The following SPNS1 variants were observed in gnomAD, a reference collection of about 807,000 sequenced individuals.
SPNS1 encodes the protein SPNS lysolipid transporter 1, lysophospholipid, also known as protein spinster homolog 1.
Under a neutral mutation model 50.3 loss-of-function variants are expected in SPNS1, and 22 were observed. The observed-to-expected ratio is 0.44, with a 90% CI of 0.31 to 0.62. The LOEUF is 0.62. Among genes scored for constraint, SPNS1 ranks in the 20% least tolerant of loss-of-function variants. The pLI, the probability that SPNS1 is intolerant of heterozygous loss-of-function variation, is 0.07. For synonymous variants in SPNS1, 295 were observed against 317.4 expected (o/e 0.93, Z 0.75); for missense variants, 576 against 728.6 (o/e 0.79, Z 2.41).
Position 28,981,412 on chromosome 16 carries a change from A to T in SPNS1, c.664-58A>T. 7 of 1,605,836 alleles carry T rather than the reference A, an allele frequency of 4.4e-6. No individual in the cohort carries two copies. The highest frequency in any genetic ancestry group is 6.0e-6 in the Non-Finnish European group (7 of 1,174,442). On this transcript the variant is annotated intron_variant, in intron 5 of 11. Coordinates refer to ENST00000311008, the MANE Select transcript of SPNS1 (RefSeq NM_032038.3). This position sits in a 1 kb window ranked among gnomAD's most constrained non-coding sequence, Gnocchi z 4.2. The stretch of plus-strand genomic sequence containing the variant: ...TTATCTGTACCCCACACTCTCCTCC[A>T]GCCCAGGGCTTGAGTGTGTCTCTCC...
rs1965625386 is a variant in SPNS1 at position 28,983,368 on chromosome 16, A to G, written c.1320+78A>G. Reference sequence around the variant, plus strand: ...TGGATCAGAAGGCCTGGCCCTAGTGAAGTGTCTGTGTCCTGCGTGCTGGGC... The same window carrying G: ...TGGATCAGAAGGCCTGGCCCTAGTGGAGTGTCTGTGTCCTGCGTGCTGGGC... On this transcript the variant is annotated intron_variant, in intron 10 of 11. Transcript: ENST00000311008. This position sits in a 1 kb window ranked among gnomAD's most constrained non-coding sequence, Gnocchi z 5.4. The G allele has an allele frequency of 2.6e-6, 3 of 1,170,364 alleles. No homozygotes were observed. In the East Asian group the frequency reaches 7.1e-5, roughly 28 times the overall value. 72.5% of individuals were successfully genotyped at this position (1,170,364 alleles called of 1,614,324 possible).
At chr16:28,984,592 C>G (rs1596764385), downstream of SPNS1, 1 of 612,208 alleles carries the variant, frequency 1.6e-6, no homozygotes, top group Non-Finnish European at 2.9e-6. Context: ...TGATCTTGCA[C>G]CCCGTCTTCA....
At chr16:28,980,979 C>T (rs925009241) in intron 5 of SPNS1, among the ~76,000 whole-genome samples, 6 of 152,230 alleles carry the variant, frequency 3.9e-5, no homozygotes, top group African/African-American at 1.2e-4. Flanking sequence ...CCACACTGCC[C>T]TTCTCTTCTG....
Position 28,979,433 on chromosome 16 carries a change from G to A in SPNS1, c.625G>A (p.Val209Met). Residue 209 changes from valine to methionine, a missense_variant, in exon 5 of 12, where the codon GTG becomes ATG. This residue lies in a region of SPNS1 where 428 missense variants were observed against 520.1 expected (regional missense o/e 0.82). Transcript: ENST00000311008. ...SGLGYIAGSK[V>M]KDMAGDWHWA... ...TCTGGGCTACATTGCAGGCTCCAAA[G>A]TGAAGGATATGGCTGGAGACTGGCA... 1 of 1,614,182 alleles carries A rather than the reference G, an allele frequency of 6.2e-7. No individual in the cohort carries two copies. The highest frequency in any genetic ancestry group is 8.5e-7 in the Non-Finnish European group (1 of 1,180,030).
rs1965534569 is a variant in SPNS1 at position 28,981,112 on chromosome 16, C to T, written c.664-358C>T. 6.6e-6 allele frequency among the ~76,000 whole-genome samples: 1 copy of T among 152,218 alleles called. No homozygotes were observed. The highest frequency in any genetic ancestry group is 1.5e-5 in the Non-Finnish European group (1 of 68,040). On this transcript the variant is annotated intron_variant, in intron 5 of 11. Transcript: ENST00000311008. The surrounding 1 kb of genome is among the most constrained non-coding windows in gnomAD (Gnocchi z 4.2). ...GCCGTGTTTCCAGGATAGCGTCTGA[C>T]TAGATGAACATGCATCACGTGCCCT...
At chr16:28,978,907 A>G (rs1234680827) in intron 3 of SPNS1, 1 of 556,436 alleles carries the variant, frequency 1.8e-6, no homozygotes, top group Non-Finnish European at 3.2e-6. Flanking sequence ...AGTCCTTGCA[A>G]TAGCTCTGTG....
At chr16:28,975,921 A>ATT (rs1965325503) in intron 2 of SPNS1, among the ~76,000 whole-genome samples, 1 of 152,164 alleles carries the variant, frequency 6.6e-6, no homozygotes, top group Non-Finnish European at 1.5e-5. Context: ...GATTAACTAA[A>ATT]AGATTGTCTG....
At chr16:28,977,219 G>A (rs1596743809) in intron 2 of SPNS1, among the ~76,000 whole-genome samples, 1 of 151,386 alleles carries the variant, frequency 6.6e-6, no homozygotes, top group Non-Finnish European at 1.5e-5. Flanking sequence ...TTGGGAGGCT[G>A]AGGCAGAATT....
Position 28,982,063 on chromosome 16 carries a change from A to G in SPNS1, c.965+7A>G. 6.2e-7 allele frequency: 1 copy of G among 1,613,648 alleles called. No homozygotes were observed. Among genetic ancestry groups the G allele is most frequent in the Non-Finnish European group, 8.5e-7 (1 of 1,179,834 alleles). The stretch of plus-strand genomic sequence containing the variant: ...CCTGCTCTTCCTCTGACAGGTGCCC[A>G]GATGGGGCTATGCTGGGGGGCCTGC... On this transcript the variant is annotated splice_region_variant and intron_variant, in intron 7 of 11. Transcript: ENST00000311008.
chr16:28,983,345 G>T lies in SPNS1; in HGVS notation c.1320+55G>T, dbSNP rs1293404717. On this transcript the variant is annotated intron_variant, in intron 10 of 11. Transcript: ENST00000311008. The surrounding 1 kb of genome is among the most constrained non-coding windows in gnomAD (Gnocchi z 5.4). ...TGGCTGGTGTCCTGAGCCTGGGCTGGATCAGAAGGCCTGGCCCTAGTGAAG... is the reference window on the plus strand; with the variant it reads ...TGGCTGGTGTCCTGAGCCTGGGCTGTATCAGAAGGCCTGGCCCTAGTGAAG... 1 of 1,416,172 alleles carries T rather than the reference G, an allele frequency of 7.1e-7. No individual in the cohort carries two copies. Among genetic ancestry groups the T allele is most frequent in the Non-Finnish European group, 1.0e-6 (1 of 1,000,264 alleles). 87.7% of individuals were successfully genotyped at this position (1,416,172 alleles called of 1,614,324 possible).
chr16:28,982,435 C>G lies in SPNS1; in HGVS notation c.1045C>G (p.His349Asp). 1 of 1,613,708 alleles carries G rather than the reference C, an allele frequency of 6.2e-7. No individual in the cohort carries two copies. The highest frequency in any genetic ancestry group is 8.5e-7 in the Non-Finnish European group (1 of 1,179,742). The change falls in exon 8 of 12, where the codon CAC becomes GAC. Residue 349 changes from histidine (H) to aspartate (D), a missense_variant. His to Asp is a moderately conservative substitution (Grantham distance 81, BLOSUM62 -1). Transcript: ENST00000311008. The part of the protein sequence containing the change: ...LGVEISRRLR[H>D]SNPRADPLVC... ...TGTGGAGATCAGCCGCCGGCTCCGC[C>G]ACTCCAACCCCCGGGCTGATCCCCT... is the stretch of plus-strand genomic sequence containing the variant.
intron 5 of SPNS1, chr16:28,980,151 C>T (rs1204903744): frequency 6.6e-6 from 1 of 151,800 alleles, no homozygotes; most frequent in Non-Finnish European, 1.5e-5. Context: ...CATGGTGAAA[C>T]CCTGTCTCTA....
rs879222877 is a variant in SPNS1, at chr16:28,975,021, GGCAAGCT to G, written c.-130_-124del. On this transcript the variant is annotated 5_prime_UTR_variant, in exon 1 of 12. Coordinates refer to ENST00000311008, the MANE Select transcript of SPNS1 (RefSeq NM_032038.3). The stretch of plus-strand genomic sequence containing the variant: ...TTCTCAGTGGTGCTCTGTGCTTCAG[GGCAAGCT>G]CCCCGTCTCCGGGCGCACTTCCCTC... 1,160 of 1,434,828 alleles carry G rather than the reference GGCAAGCT, an allele frequency of 8.1e-4. 23 individuals are homozygous for G. In the South Asian group the frequency reaches 0.016, roughly 20 times the overall value. 88.9% of individuals were successfully genotyped at this position (1,434,828 alleles called of 1,614,324 possible).
In SPNS1 at chr16:28,983,252, C is replaced by T; in HGVS notation, c.1282C>T (p.Leu428=). 5.6e-6 allele frequency: 9 copies of T among 1,614,138 alleles called. 1 individual carries two copies. The highest frequency in any genetic ancestry group is 3.3e-4 in the Middle Eastern group (2 of 6,060). Residue 428 remains leucine, a synonymous_variant, in exon 10 of 12, where the codon CTG becomes TTG. Coordinates refer to ENST00000311008, the MANE Select transcript of SPNS1 (RefSeq NM_032038.3). The surrounding 1 kb of genome is among the most constrained non-coding windows in gnomAD (Gnocchi z 5.4). The part of the protein sequence containing the change: ...AEAFQIVLSH[L]LGDAGSPYLI... ...GGCCTTCCAGATCGTGCTGTCCCAC[C>T]TGCTGGGTGATGCTGGGAGCCCCTA...
Position 28,981,313 on chromosome 16 carries a change from C to A in SPNS1, c.664-157C>A, listed in dbSNP as rs1873368606. 2 of 930,232 alleles carry A rather than the reference C, an allele frequency of 2.2e-6. No individual in the cohort carries two copies. The highest frequency in any genetic ancestry group is 5.7e-5 in the Admixed American group (2 of 35,022). The allele number at this position is 930,232 out of a possible 1,614,324, so 57.6% of individuals were successfully genotyped here. A position where few individuals can be genotyped will look rare whatever the true frequency, so the allele number is the denominator to read the frequency against. On this transcript the variant is annotated intron_variant, in intron 5 of 11. Transcript: ENST00000311008. The surrounding 1 kb of genome is among the most constrained non-coding windows in gnomAD (Gnocchi z 4.2). ...AAATAGGGTGGCCCCTAGTGGCAGC[C>A]CCCTTCCCCCAGATTGCAGGTTCGG...
chr16:28,983,724 T>C lies in SPNS1; in HGVS notation c.1321-62T>C. ...TCTTTCTCCCTGGAGCTCAGGGGCGTGCCCTCCCTGGTTCATCCATGAGGC... is the reference window on the plus strand; with the variant it reads ...TCTTTCTCCCTGGAGCTCAGGGGCGCGCCCTCCCTGGTTCATCCATGAGGC... On this transcript the variant is annotated intron_variant, in intron 10 of 11. Transcript: ENST00000311008. The surrounding 1 kb of genome is among the most constrained non-coding windows in gnomAD (Gnocchi z 5.4). The C allele has an allele frequency of 6.7e-7, 1 of 1,500,364 alleles. No homozygotes were observed. Among genetic ancestry groups the C allele is most frequent in the Non-Finnish European group, 8.9e-7 (1 of 1,126,176 alleles). The allele number at this position is 1,500,364 out of a possible 1,614,324, so 92.9% of individuals were successfully genotyped here.
At chr16:28,982,639 G>T in intron 8 of SPNS1, 94 bp downstream of exon 8, 1 of 1,411,100 alleles carries the variant, frequency 7.1e-7, no homozygotes, top group South Asian at 1.3e-5. Context: ...GCCTGGTTTT[G>T]AATCACAGCT....
In SPNS1 at chr16:28,983,486, ACTC is replaced by A. The variant is rs1281867908; in HGVS notation, c.1320+202_1320+204del. ...CAGGGACCTCACCCTGGTGGTCCAA[ACTC>A]CTCCTTTCTTTTCTCTTTTCTTTTC... On this transcript the variant is annotated intron_variant, in intron 10 of 11. Coordinates refer to ENST00000311008, the MANE Select transcript of SPNS1 (RefSeq NM_032038.3). The surrounding 1 kb of genome is among the most constrained non-coding windows in gnomAD (Gnocchi z 5.4). Among the ~76,000 whole-genome samples the A allele has an allele frequency of 2.0e-5, 3 of 151,786 alleles. No homozygotes were observed. Among genetic ancestry groups the A allele is most frequent in the African/African-American group, 4.8e-5 (2 of 41,288 alleles).
Position 28,983,991 on chromosome 16 carries a change from G to A in SPNS1, c.1492+34G>A, listed in dbSNP as rs370343624. ...GGAGCTGTGCCCGGCCCAGCTTCTT[G>A]ATCTGCCTGTCTGTCTGTCCATCTG... On this transcript the variant is annotated intron_variant, in intron 11 of 11. Coordinates refer to ENST00000311008, the MANE Select transcript of SPNS1 (RefSeq NM_032038.3). The surrounding 1 kb of genome is among the most constrained non-coding windows in gnomAD (Gnocchi z 5.4). The A allele has an allele frequency of 1.3e-5, 20 of 1,527,772 alleles. No homozygotes were observed. In the African/African-American group the frequency reaches 2.6e-4, roughly 20 times the overall value. The allele number at this position is 1,527,772 out of a possible 1,614,324, so 94.6% of individuals were successfully genotyped here. A position where few individuals can be genotyped will look rare whatever the true frequency, so the allele number is the denominator to read the frequency against.
Sources: gnomAD v4.1 joint callset for allele counts (sites outside exome capture counted in the v4.1 genomes callset) on GRCh38, gnomAD v4.1.1 for gene constraint, gnomAD v4.1.1 regional missense constraint, Gnocchi (gnomAD v3.1) non-coding constraint, MANE v1.5 for transcripts, NCBI Gene and HGNC (gene_info 2026-07-23, HGNC 2026-07-21) for gene names.